Variants in IL22RA2 observed in about 807,000 individuals in gnomAD.
IL22RA2 encodes interleukin-22 receptor subunit alpha-2.
A neutral mutation model predicts 30.7 loss-of-function variants in IL22RA2; 39 were observed. The observed-to-expected ratio is 1.27, with a 90% CI of 0.98 to 1.66. The LOEUF (loss-of-function observed/expected upper bound fraction) is 1.66. IL22RA2 is among the 40% of genes most tolerant of loss of function. The pLI, the probability that IL22RA2 is intolerant of heterozygous loss-of-function variation, is 0.00. For missense variants in IL22RA2, 315 were observed against 312.7 expected, an observed-to-expected ratio of 1.01 and a Z score of -0.05; for synonymous variants, 103 against 105.0, an observed-to-expected ratio of 0.98 and a Z score of 0.11.
At chr6:137,171,024 G>T (rs1778723699) in intron 1 of IL22RA2, among the ~76,000 whole-genome samples, 1 of 152,174 alleles carries the variant, frequency 6.6e-6, no homozygotes, top group South Asian at 2.1e-4. Flanking sequence ...ATCAAAAGGG[G>T]AAATGTATAC....
At chr6:137,162,674 A>G (rs1324899862) in intron 1 of IL22RA2, among the ~76,000 whole-genome samples, 3 of 152,354 alleles carry the variant, frequency 2.0e-5, no homozygotes, top group Non-Finnish European at 4.4e-5. Context: ...TATACATGAA[A>G]GAACAAAAAA....
At chr6:137,146,293 A>G (rs1034499012) in intron 6 of IL22RA2, among the ~76,000 whole-genome samples, 1 of 152,082 alleles carries the variant, frequency 6.6e-6, no homozygotes, top group Non-Finnish European at 1.5e-5. Flanking sequence ...CAGCCTCCCA[A>G]AGTGCTGGGA....
chr6:137,166,577 C>A (rs769092078), intron 1 of IL22RA2, among the ~76,000 whole-genome samples: 5 of 152,078 alleles, frequency 3.3e-5, no homozygotes, highest in South Asian at 2.1e-4. Context: ...AAGAGGAAAC[C>A]CTTACCATGC....
At chr6:137,158,050 C>A (rs768540724) in intron 3 of IL22RA2, among the ~76,000 whole-genome samples, 1 of 152,162 alleles carries the variant, frequency 6.6e-6, no homozygotes. Context: ...ATTCGCCTGA[C>A]AAATCTATAT....
chr6:137,152,632 G>A (rs958015064), intron 5 of IL22RA2, among the ~76,000 whole-genome samples: 3 of 152,156 alleles, frequency 2.0e-5, no homozygotes, highest in African/African-American at 7.2e-5. Context: ...AATTGACTGT[G>A]AGTGATGGTT....
chr6:137,159,873 A>G (rs1321577854), intron 2 of IL22RA2, among the ~76,000 whole-genome samples: 2 of 152,220 alleles, frequency 1.3e-5, no homozygotes, highest in African/African-American at 4.8e-5. Flanking sequence ...TTCCAAGCCC[A>G]TGGTCTCAGC....
intron 1 of IL22RA2, among the ~76,000 whole-genome samples, chr6:137,163,377 A>G (rs28741414): frequency 0.079 from 12,064 of 152,006 alleles, 1,169 homozygotes; most frequent in African/African-American, 0.23. Flanking sequence ...ATTTCCGGGG[A>G]CCAGTCTGGG....
chr6:137,154,772 G>C (rs529326401), intron 5 of IL22RA2, among the ~76,000 whole-genome samples, 169 bp downstream of exon 5: 1 of 152,272 alleles, frequency 6.6e-6, no homozygotes, highest in South Asian at 2.1e-4. Context: ...TTCTGGACTA[G>C]AAAATTAGGA....
chr6:137,147,427 C>G (rs1778203673), intron 6 of IL22RA2, among the ~76,000 whole-genome samples: 1 of 149,820 alleles, frequency 6.7e-6, no homozygotes, highest in African/African-American at 2.5e-5. Context: ...TGTGCAAAGC[C>G]CGTAAAAATG....
intron 1 of IL22RA2, among the ~76,000 whole-genome samples, chr6:137,172,713 G>A (rs1189625887): frequency 6.6e-6 from 1 of 152,188 alleles, no homozygotes; most frequent in Non-Finnish European, 1.5e-5. Flanking sequence ...CCATCATCGT[G>A]TTGACTCTGG....
At chr6:137,151,302 A>G (rs1778287034) in intron 5 of IL22RA2, among the ~76,000 whole-genome samples, 1 of 152,246 alleles carries the variant, frequency 6.6e-6, no homozygotes. Flanking sequence ...AAGTGTGCCA[A>G]GAACTCTCAA....
chr6:137,144,707 C>G lies in IL22RA2; in HGVS notation c.*917G>C, dbSNP rs540331336. On this transcript the variant is annotated 3_prime_UTR_variant, in exon 7 of 7. Coordinates refer to ENST00000296980, the MANE Select transcript of IL22RA2 (RefSeq NM_052962.3). ...GTATGGGGTCGACCCCAGCAGTTCC[C>G]AATAAACCATCATTCATGGGATCCT... 2 of 152,276 alleles carry G rather than the reference C, an allele frequency of 1.3e-5. No individual in the cohort carries two copies. Among genetic ancestry groups the G allele is most frequent in the African/African-American group, 4.8e-5 (2 of 41,534 alleles). The allele number at this position is 152,276 out of a possible 1,614,324, so 9.4% of individuals were successfully genotyped here. A position where few individuals can be genotyped will look rare whatever the true frequency, so the allele number is the denominator to read the frequency against.
rs1226469147 is a variant in IL22RA2 at position 137,149,827 on chromosome 6, G to A, written c.473-1936C>T. Among the ~76,000 whole-genome samples, 4 of 152,212 alleles carry A rather than the reference G, an allele frequency of 2.6e-5. No individual in the cohort carries two copies. The South Asian group carries it at 6.2e-4, about 24-fold the overall frequency. On this transcript the variant is annotated intron_variant, in intron 5 of 6. Coordinates refer to ENST00000296980, the MANE Select transcript of IL22RA2 (RefSeq NM_052962.3). ...CTGCATGCTCTTCTTCAATATATTG[G>A]TTATCTTTCAGTCCCTTGAGTTTGC...
At chr6:137,152,419 A>G (rs1355861089) in intron 5 of IL22RA2, among the ~76,000 whole-genome samples, 1 of 152,220 alleles carries the variant, frequency 6.6e-6, no homozygotes, top group South Asian at 2.1e-4. Context: ...ACATACTACA[A>G]TCTGAATGAA....
intron 1 of IL22RA2, among the ~76,000 whole-genome samples, chr6:137,169,018 C>CTAA (rs1485468298): frequency 2.0e-5 from 3 of 152,172 alleles, no homozygotes; most frequent in Non-Finnish European, 4.4e-5. Flanking sequence ...TGTGGAGGTG[C>CTAA]TAATATGAGA....
intron 2 of IL22RA2, among the ~76,000 whole-genome samples, chr6:137,159,251 G>A (rs1396344960): frequency 6.6e-6 from 1 of 152,106 alleles, no homozygotes; most frequent in Non-Finnish European, 1.5e-5. Flanking sequence ...AGAGAATTTT[G>A]GCAAAATTTT....
At chr6:137,164,346 A>G (rs1778585239) in intron 1 of IL22RA2, among the ~76,000 whole-genome samples, 1 of 152,104 alleles carries the variant, frequency 6.6e-6, no homozygotes, top group Non-Finnish European at 1.5e-5. Context: ...GTTTCCGTAT[A>G]TTGACTCCTG....
chr6:137,161,993 G>A (rs1459360754), intron 1 of IL22RA2, among the ~76,000 whole-genome samples, 179 bp from the exon 2 acceptor site: 1 of 152,158 alleles, frequency 6.6e-6, no homozygotes, highest in Non-Finnish European at 1.5e-5. Context: ...GTTTTATTGG[G>A]AAGCTCGTTT....
At chr6:137,149,260 A>G (rs926130480) in intron 5 of IL22RA2, among the ~76,000 whole-genome samples, 2 of 152,150 alleles carry the variant, frequency 1.3e-5, no homozygotes, top group African/African-American at 2.4e-5. Context: ...ATGACTCACA[A>G]ATTTTTGTCT....
Sources: gnomAD v4.1 joint callset for allele counts (sites outside exome capture counted in the v4.1 genomes callset) on GRCh38, gnomAD v4.1.1 for gene constraint, MANE v1.5 for transcripts, NCBI Gene and HGNC (gene_info 2026-07-23, HGNC 2026-07-21) for gene names.